SND1: variants seen among roughly 807,000 people sequenced by gnomAD.
The protein encoded by SND1 is staphylococcal nuclease domain-containing protein 1.
In SND1, 38 loss-of-function variants were observed where a neutral mutation model predicts 121.7. The ratio of observed to expected loss-of-function variants is 0.31; its 90% CI spans 0.24 to 0.41. The LOEUF (loss-of-function observed/expected upper bound fraction) is 0.41. Ranked by LOEUF, SND1 falls within the 10% of genes least tolerant of loss-of-function variation. The pLI is 1.00. For synonymous variants in SND1, 401 were observed against 447.4 expected, an observed-to-expected ratio of 0.90 and a Z score of 1.31; for missense variants, 868 against 1,184.6, an observed-to-expected ratio of 0.73 and a Z score of 3.92.
At chr7:127,872,859 G>A (rs1337984897) in intron 12 of SND1, among the ~76,000 whole-genome samples, 1 of 152,098 alleles carries the variant, frequency 6.6e-6, no homozygotes, top group Non-Finnish European at 1.5e-5. Flanking sequence ...GAATGTAGTT[G>A]GGGAGTCATA....
chr7:127,934,603 G>C (rs978311157), intron 15 of SND1, among the ~76,000 whole-genome samples: 14 of 152,028 alleles, frequency 9.2e-5, no homozygotes, highest in Non-Finnish European at 2.1e-4. Context: ...TCTCTTTTTG[G>C]TCAGGAGTGG....
intron 15 of SND1, among the ~76,000 whole-genome samples, chr7:127,978,200 C>T (rs900053991): frequency 2.0e-5 from 3 of 151,912 alleles, no homozygotes; most frequent in African/African-American, 7.3e-5. Flanking sequence ...AACAAGCAGC[C>T]AGAGAGATAG....
intron 14 of SND1, among the ~76,000 whole-genome samples, chr7:127,917,500 C>T (rs1015243113): frequency 1.3e-5 from 2 of 152,108 alleles, no homozygotes; most frequent in African/African-American, 4.8e-5. Context: ...TTGTTTTCTA[C>T]CCATTGTCCA....
intron 12 of SND1, among the ~76,000 whole-genome samples, chr7:127,881,820 C>T (rs1017488123): frequency 6.6e-6 from 1 of 152,158 alleles, no homozygotes; most frequent in African/African-American, 2.4e-5. Flanking sequence ...GTCACCCAGT[C>T]TGGAGTGCAG....
chr7:128,077,555 G>T (rs1335920705), intron 17 of SND1, among the ~76,000 whole-genome samples: 1 of 152,256 alleles, frequency 6.6e-6, no homozygotes, highest in Non-Finnish European at 1.5e-5. Flanking sequence ...TTGCTCTGTA[G>T]CTGGGGCCAC....
intron 11 of SND1, among the ~76,000 whole-genome samples, chr7:127,831,831 T>C (rs925164067): frequency 1.3e-5 from 2 of 152,220 alleles, no homozygotes; most frequent in African/African-American, 4.8e-5. Flanking sequence ...ATTTTTCCCC[T>C]TTCCAAATGT....
chr7:127,928,782 G>T (rs1042775606), intron 14 of SND1, among the ~76,000 whole-genome samples: 2 of 152,020 alleles, frequency 1.3e-5, no homozygotes, highest in African/African-American at 4.8e-5. Flanking sequence ...GTAGAGACAG[G>T]GTTTTGCCAT....
chr7:127,750,128 G>A (rs970292407), intron 10 of SND1, among the ~76,000 whole-genome samples: 1 of 152,176 alleles, frequency 6.6e-6, no homozygotes, highest in African/African-American at 2.4e-5. Context: ...ACAAAAAAAC[G>A]AGTAAGTGAA....
Position 127,703,452 on chromosome 7 carries a change from G to T in SND1, c.840+129G>T, listed in dbSNP as rs988224519. On this transcript the variant is annotated intron_variant, in intron 7 of 23. Coordinates refer to ENST00000354725, the MANE Select transcript of SND1 (RefSeq NM_014390.4). ...ATATTGGCCAGTTGTGGTGGCTCAC[G>T]CCTGTAATCCCACCACTTTGGGAGG... The T allele has an allele frequency of 1.6e-5, 18 of 1,101,276 alleles. No individual in the cohort carries two copies. The African/African-American group carries it at 2.5e-4, about 15-fold the overall frequency. 68.2% of individuals were successfully genotyped at this position (1,101,276 alleles called of 1,614,324 possible). A position where few individuals can be genotyped will look rare whatever the true frequency, so the allele number is the denominator to read the frequency against.
At chr7:127,738,896 C>T (rs1018673131) in intron 10 of SND1, among the ~76,000 whole-genome samples, 1 of 152,190 alleles carries the variant, frequency 6.6e-6, no homozygotes, top group African/African-American at 2.4e-5. Flanking sequence ...TACTTTCCCC[C>T]TGTTCCTCTC....
chr7:128,021,112 G>T (rs1456096162), intron 16 of SND1, among the ~76,000 whole-genome samples: 5 of 152,140 alleles, frequency 3.3e-5, no homozygotes, highest in African/African-American at 1.2e-4. Flanking sequence ...AGATGAATTG[G>T]AAGAATATGC....
chr7:127,733,928 T>A (rs947052147), intron 10 of SND1, among the ~76,000 whole-genome samples: 1 of 152,132 alleles, frequency 6.6e-6, no homozygotes, highest in African/African-American at 2.4e-5. Context: ...TCAGTTTTTC[T>A]TAAGATGTAG....
chr7:127,926,718 ATTTTGTTGTTGTTGTTGT>A (rs1800846529), intron 14 of SND1, among the ~76,000 whole-genome samples: 1 of 72,062 alleles, frequency 1.4e-5, no homozygotes, highest in Non-Finnish European at 3.5e-5. Context: ...ACACCCGGCT[ATTTTGTTGTTGTTGTTGT>A]TGTTGTTGTT....
At chr7:127,819,302 A>C (rs752951777) in intron 11 of SND1, among the ~76,000 whole-genome samples, 1 of 152,200 alleles carries the variant, frequency 6.6e-6, no homozygotes, top group Non-Finnish European at 1.5e-5. Flanking sequence ...ATGCAGTTGA[A>C]GATTGTGTAT....
intron 13 of SND1, among the ~76,000 whole-genome samples, chr7:127,888,308 T>C (rs1046216058): frequency 8.5e-5 from 13 of 152,100 alleles, no homozygotes; most frequent in Non-Finnish European, 1.9e-4. Flanking sequence ...ATAGGAGATA[T>C]GTTTATCATC....
chr7:128,048,398 G>A (rs552775067), intron 16 of SND1, among the ~76,000 whole-genome samples: 1 of 152,040 alleles, frequency 6.6e-6, no homozygotes, highest in African/African-American at 2.4e-5. Context: ...TGCCTTGTGG[G>A]CATTTGTGGG....
At chr7:127,662,890 C>CTTT (rs34629378) in intron 1 of SND1, among the ~76,000 whole-genome samples, 4 of 122,518 alleles carry the variant, frequency 3.3e-5, no homozygotes, top group Admixed American at 8.7e-5. Flanking sequence ...CCTCTTTTAT[C>CTTT]TTTTTTTTTT....
chr7:127,820,681 C>T (rs1273088217), intron 11 of SND1, among the ~76,000 whole-genome samples: 1 of 152,122 alleles, frequency 6.6e-6, no homozygotes. Context: ...TTTTGTCCCT[C>T]TCTATCTTTC....
At chr7:127,850,089 C>A (rs556683639) in intron 12 of SND1, among the ~76,000 whole-genome samples, 2 of 152,268 alleles carry the variant, frequency 1.3e-5, no homozygotes, top group South Asian at 4.1e-4. Context: ...TTCTAATTTG[C>A]AGGGATACTT....
Sources: gnomAD v4.1 joint callset for allele counts (sites outside exome capture counted in the v4.1 genomes callset) on GRCh38, gnomAD v4.1.1 for gene constraint, MANE v1.5 for transcripts, NCBI Gene and HGNC (gene_info 2026-07-23, HGNC 2026-07-21) for gene names.